AXIN1: variants seen among roughly 807,000 people sequenced by gnomAD.
The protein encoded by AXIN1 is axin 1.
Under a neutral mutation model 76.4 loss-of-function variants are expected in AXIN1, and 30 were observed. That is an observed-to-expected ratio of 0.39 (90% CI 0.29 to 0.53). The LOEUF is 0.53. AXIN1 is among the 20% of genes least tolerant of loss of function. The pLI, the probability that AXIN1 is intolerant of heterozygous loss-of-function variation, is 0.66. For missense variants in AXIN1, 1,140 were observed against 1,198.8 expected (o/e 0.95, Z 0.72); for synonymous variants, 545 against 501.4 (o/e 1.09, Z -1.16).
At chr16:297,679 G>C (rs1282113019) in intron 6 of AXIN1, 43 bp downstream of exon 6, 1 of 1,549,268 alleles carries the variant, frequency 6.5e-7, no homozygotes, top group Non-Finnish European at 8.7e-7. Context: ...CAGGGACACA[G>C]CCTCACCCCA....
chr16:310,935 G>A (rs936720102), intron 3 of AXIN1, among the ~76,000 whole-genome samples: 10 of 152,382 alleles, frequency 6.6e-5, no homozygotes, highest in African/African-American at 2.4e-4. Flanking sequence ...GGAAAGATAG[G>A]AGATGCCAAG....
intron 3 of AXIN1, among the ~76,000 whole-genome samples, chr16:311,891 G>A (rs1182769752): frequency 4.6e-5 from 7 of 152,308 alleles, no homozygotes; most frequent in East Asian, 3.9e-4. Context: ...TGAAGAGAGC[G>A]CCCGACCCAG....
At chr16:315,275 A>G (rs566469637) in intron 2 of AXIN1, among the ~76,000 whole-genome samples, 30 of 152,236 alleles carry the variant, frequency 2.0e-4, no homozygotes, top group South Asian at 1.2e-3. Context: ...ACCTTTTTTC[A>G]ATCTGCACTT....
intron 3 of AXIN1, among the ~76,000 whole-genome samples, chr16:311,828 G>A (rs945245273): frequency 1.3e-5 from 2 of 152,152 alleles, no homozygotes; most frequent in Admixed American, 1.3e-4. Context: ...CAGCTCCAGG[G>A]ATCCGTGCCG....
In AXIN1 at chr16:298,349, C is replaced by G. The variant is rs1449350667; in HGVS notation, c.1255-98G>C. The G allele has an allele frequency of 2.7e-6, 4 of 1,504,316 alleles. No homozygotes were observed. In the African/African-American group the frequency reaches 5.5e-5, roughly 21 times the overall value. The allele number at this position is 1,504,316 out of a possible 1,614,324, so 93.2% of individuals were successfully genotyped here. A position where few individuals can be genotyped will look rare whatever the true frequency, so the allele number is the denominator to read the frequency against. On this transcript the variant is annotated intron_variant, in intron 5 of 10. Transcript: ENST00000262320. ...CCTGACCCAGCAGCCCCAGCAGATGCCGTCCCAGCCCAGGGTGGCCGGGGG... is the reference window on the plus strand; with the variant it reads ...CCTGACCCAGCAGCCCCAGCAGATGGCGTCCCAGCCCAGGGTGGCCGGGGG...
At chr16:294,663 G>A (rs1312604562) in intron 7 of AXIN1, among the ~76,000 whole-genome samples, 3 of 146,348 alleles carry the variant, frequency 2.0e-5, no homozygotes, top group South Asian at 4.4e-4. Context: ...GGTTAGACAG[G>A]AGAACCACTT....
chr16:337,149 CAAAAAAAAAAAAAAAAAA>C (rs398028563), intron 2 of AXIN1, among the ~76,000 whole-genome samples: 548 of 30,608 alleles, frequency 0.018, 10 homozygotes, highest in Non-Finnish European at 0.024. Context: ...GACCCCGTCT[CAAAAAAAAAAAAAAAAAA>C]AAAAAAAAAA....
intron 2 of AXIN1, among the ~76,000 whole-genome samples, chr16:324,983 A>G (rs2053547746): frequency 6.6e-6 from 1 of 152,190 alleles, no homozygotes; most frequent in Non-Finnish European, 1.5e-5. Flanking sequence ...AGCTCTACTG[A>G]CGCACGGCTG....
At chr16:322,235 G>T (rs541916044) in intron 2 of AXIN1, among the ~76,000 whole-genome samples, 12 of 152,312 alleles carry the variant, frequency 7.9e-5, no homozygotes, top group African/African-American at 2.6e-4. Flanking sequence ...CACACCCCAG[G>T]CTCCAGGAGG....
chr16:346,641 G>T lies in AXIN1; in HGVS notation c.385C>A (p.Pro129Thr), dbSNP rs1297530447. The T allele has an allele frequency of 6.3e-7, 1 of 1,580,510 alleles. No homozygotes were observed. Among genetic ancestry groups the T allele is most frequent in the Non-Finnish European group, 8.6e-7 (1 of 1,163,712 alleles). ...CTCTTCTCCTCGTTCGAGTCACAGG[G>T]CTCCAGCTTCCTGAAGCCAGTGCAG... ...FACTGFRKLE[P>T]CDSNEEKRLK... The change falls in exon 2 of 11, where the codon CCC becomes ACC. Residue 129 changes from proline to threonine, a missense_variant. By Grantham distance (38) the Pro-to-Thr change is conservative (BLOSUM62 -1). Transcript: ENST00000262320.
At chr16:349,694 A>C (rs1354707554) in intron 1 of AXIN1, among the ~76,000 whole-genome samples, 2 of 152,248 alleles carry the variant, frequency 1.3e-5, no homozygotes, top group Non-Finnish European at 2.9e-5. Flanking sequence ...GTAAAAAAGA[A>C]AAGACATTTG....
rs139809936 is a variant in AXIN1, at chr16:304,112, C to T, written c.1254+192G>A. On this transcript the variant is annotated intron_variant, in intron 5 of 10. Transcript: ENST00000262320. Reference sequence around the variant, plus strand: ...TGGGCCTCTGAGGGTGGCATGGGGCCGCTGGGACATCCCATCTTGAGCTGG... The same window carrying T: ...TGGGCCTCTGAGGGTGGCATGGGGCTGCTGGGACATCCCATCTTGAGCTGG... Among the ~76,000 whole-genome samples, 636 of 152,292 alleles carry T rather than the reference C, an allele frequency of 4.2e-3. 4 individuals are homozygous for T. The highest frequency in any genetic ancestry group is 0.024 in the South Asian group (116 of 4,830).
intron 4 of AXIN1, among the ~76,000 whole-genome samples, chr16:306,138 C>A (rs1471004305): frequency 1.3e-5 from 2 of 152,122 alleles, no homozygotes; most frequent in African/African-American, 4.8e-5. Flanking sequence ...CATGCCCACA[C>A]ATGCGCAGGC....
chr16:333,694 TG>T (rs11335047), intron 2 of AXIN1, among the ~76,000 whole-genome samples: 30,920 of 151,578 alleles, frequency 0.2, 5,702 homozygotes, highest in African/African-American at 0.49. Context: ...TCTAAATTTA[TG>T]GGGGGGGTGC....
At chr16:308,144 G>C (rs1241652855) in intron 4 of AXIN1, among the ~76,000 whole-genome samples, 1 of 152,236 alleles carries the variant, frequency 6.6e-6, no homozygotes, top group African/African-American at 2.4e-5. Context: ...GCCTGCTCCT[G>C]TCTGTGCCTG....
At chr16:304,533 G>C in intron 4 of AXIN1, 92 bp from the exon 5 acceptor site, 4 of 1,569,636 alleles carry the variant, frequency 2.5e-6, no homozygotes, top group Non-Finnish European at 2.6e-6. Flanking sequence ...TATCTCTGTT[G>C]TATTTTATTT....
intron 1 of AXIN1, among the ~76,000 whole-genome samples, chr16:347,408 C>T (rs980678548): frequency 2.6e-5 from 4 of 152,214 alleles, no homozygotes; most frequent in Non-Finnish European, 5.9e-5. Context: ...GCAGCTTGAG[C>T]ACCTCCCACC....
chr16:328,914 T>C (rs920113373), intron 2 of AXIN1, among the ~76,000 whole-genome samples: 1 of 151,906 alleles, frequency 6.6e-6, no homozygotes, highest in African/African-American at 2.4e-5. Flanking sequence ...AGGGAGGGTC[T>C]GCCAGGCACC....
rs2052622646 is a variant in AXIN1 at position 293,406 on chromosome 16, C to T, written c.2186+82G>A. On this transcript the variant is annotated intron_variant, in intron 8 of 10. Coordinates refer to ENST00000262320, the MANE Select transcript of AXIN1 (RefSeq NM_003502.4). This position sits in a 1 kb window ranked among gnomAD's most constrained non-coding sequence, Gnocchi z 4.6. ...AGAGGGCCGTTTTTCCCCTGAAGACCTCAGGCCTCGGGGAGCTTCAGCCCC... is the reference window on the plus strand; with the variant it reads ...AGAGGGCCGTTTTTCCCCTGAAGACTTCAGGCCTCGGGGAGCTTCAGCCCC... 5.6e-6 allele frequency: 8 copies of T among 1,426,510 alleles called. No individual in the cohort carries two copies. Among genetic ancestry groups the T allele is most frequent in the Non-Finnish European group, 7.7e-6 (8 of 1,036,434 alleles). The allele number at this position is 1,426,510 out of a possible 1,614,324, so 88.4% of individuals were successfully genotyped here. A position where few individuals can be genotyped will look rare whatever the true frequency, so the allele number is the denominator to read the frequency against.
Sources: allele counts gnomAD v4.1 joint callset (sites outside exome capture counted in the v4.1 genomes callset), GRCh38; gene constraint gnomAD v4.1.1; non-coding constraint Gnocchi (gnomAD v3.1); transcripts MANE v1.5; gene names NCBI Gene and HGNC (gene_info 2026-07-23, HGNC 2026-07-21).